Variants in CEP112 observed in about 807,000 individuals in gnomAD.
CEP112 encodes the protein centrosomal protein 112.
In CEP112, 127 loss-of-function variants were observed where a neutral mutation model predicts 153.0. The ratio of observed to expected loss-of-function variants is 0.83; its 90% confidence interval spans 0.72 to 0.96. The LOEUF is 0.96. CEP112 is among the 40% of genes least tolerant of loss of function. The pLI is 0.00. For synonymous variants in CEP112, 358 were observed against 374.4 expected, an observed-to-expected ratio of 0.96 and a Z score of 0.51; for missense variants, 1,089 against 1,101.2, an observed-to-expected ratio of 0.99 and a Z score of 0.16.
intron 16 of CEP112, among the ~76,000 whole-genome samples, chr17:66,009,795 G>T (rs1356590319): frequency 6.6e-6 from 1 of 152,058 alleles, no homozygotes; most frequent in Non-Finnish European, 1.5e-5. Flanking sequence ...TTATTTCTGG[G>T]TTCTCTATTC....
intron 12 of CEP112, among the ~76,000 whole-genome samples, chr17:66,033,224 G>A (rs1004850684): frequency 1.3e-5 from 2 of 152,012 alleles, no homozygotes; most frequent in African/African-American, 4.8e-5. Flanking sequence ...AACAGAAATG[G>A]TAGAACAAGA....
chr17:65,998,427 T>TA (rs2063879151), intron 17 of CEP112, among the ~76,000 whole-genome samples: 1 of 138,254 alleles, frequency 7.2e-6, no homozygotes, highest in East Asian at 2.0e-4. Context: ...AAAATTGAAC[T>TA]GTGGTGATGG....
intron 8 of CEP112, among the ~76,000 whole-genome samples, chr17:66,094,613 G>A (rs1244472557): frequency 3.9e-5 from 6 of 151,920 alleles, no homozygotes; most frequent in South Asian, 2.1e-4. Flanking sequence ...GATATGAACC[G>A]AAAAGCATAG....
intron 16 of CEP112, among the ~76,000 whole-genome samples, chr17:66,026,913 G>C (rs1016734445): frequency 1.3e-5 from 2 of 152,176 alleles, no homozygotes; most frequent in South Asian, 4.2e-4. Context: ...CCACAGATGT[G>C]AAATCCATGG....
At position 66,159,039 on chromosome 17, in the gene CEP112, A is replaced by G. The variant is rs554177102; in HGVS notation, c.470+16005T>C. Among the ~76,000 whole-genome samples the G allele has an allele frequency of 4.6e-5, 7 of 152,358 alleles. No individual in the cohort carries two copies. In the South Asian group the frequency reaches 8.3e-4, roughly 18 times the overall value. ...GGATATCACCACTGATCACACAGAA[A>G]TACAAACTATCATCAGAGAATACTA... On this transcript the variant is annotated intron_variant, in intron 4 of 26. Transcript: ENST00000535342.
rs562471203 is a variant in CEP112 at position 66,121,625 on chromosome 17, C to A, written c.642+8121G>T. ...CACTGAATCTTCTGCCAGTTCAAAT[C>A]TATTGCTGAGCCCCTATGGTGAATT... On this transcript the variant is annotated intron_variant, in intron 6 of 26. Transcript: ENST00000535342. Among the ~76,000 whole-genome samples, 4 of 152,144 alleles carry A rather than the reference C, an allele frequency of 2.6e-5. No homozygotes were observed. In the South Asian group the frequency reaches 8.3e-4, roughly 32 times the overall value.
chr17:65,858,674 C>T (rs1289213432), intron 20 of CEP112, among the ~76,000 whole-genome samples: 1 of 152,122 alleles, frequency 6.6e-6, no homozygotes, highest in Non-Finnish European at 1.5e-5. Flanking sequence ...ACTTCTTAAG[C>T]TGGTTGCCTA....
At position 66,132,769 on chromosome 17, in the gene CEP112, A is replaced by C; in HGVS notation, c.471-6T>G. On this transcript the variant is annotated splice_region_variant and splice_polypyrimidine_tract_variant and intron_variant, in intron 4 of 26. Coordinates refer to ENST00000535342, the MANE Select transcript of CEP112 (RefSeq NM_001199165.4). ...TCCCAGTGTACTGTTCCCTGCTAAG[A>C]GACCAAAATAATCGCAATCACAATT... 6.3e-7 allele frequency: 1 copy of C among 1,589,720 alleles called. No homozygotes were observed. Among genetic ancestry groups the C allele is most frequent in the African/African-American group, 1.3e-5 (1 of 74,598 alleles).
intron 19 of CEP112, among the ~76,000 whole-genome samples, chr17:65,909,207 G>T (rs1051922580): frequency 6.6e-6 from 1 of 152,188 alleles, no homozygotes; most frequent in Admixed American, 6.5e-5. Context: ...AAGGGGAAAT[G>T]ATGGTATAAA....
intron 4 of CEP112, among the ~76,000 whole-genome samples, chr17:66,149,094 G>T (rs1598439784): frequency 6.6e-6 from 1 of 152,096 alleles, no homozygotes; most frequent in African/African-American, 2.4e-5. Context: ...TTGTGTGAGG[G>T]TTTTCTCCTT....
At chr17:66,002,381 T>C (rs1273695031) in intron 17 of CEP112, among the ~76,000 whole-genome samples, 4 of 152,124 alleles carry the variant, frequency 2.6e-5, no homozygotes, top group Admixed American at 2.6e-4. Flanking sequence ...AATTCTATAA[T>C]CTGAGAGAAT....
chr17:65,963,578 T>C (rs2062293202), intron 17 of CEP112, among the ~76,000 whole-genome samples: 1 of 141,902 alleles, frequency 7.0e-6, no homozygotes, highest in East Asian at 2.5e-4. Context: ...AAGTGTCACC[T>C]AATTTCTACT....
At chr17:66,150,019 G>A (rs1422671503) in intron 4 of CEP112, among the ~76,000 whole-genome samples, 2 of 145,596 alleles carry the variant, frequency 1.4e-5, no homozygotes, top group Admixed American at 6.9e-5. Context: ...TCGGCCTCCC[G>A]AGTAGCTGGC....
chr17:66,005,889 A>G, intron 16 of CEP112, 120 bp from the exon 17 acceptor site: 1 of 849,804 alleles, frequency 1.2e-6, no homozygotes, highest in Non-Finnish European at 1.7e-6. Flanking sequence ...AGATTTAGAT[A>G]TTTCAAGATA....
chr17:66,047,802 TA>T (rs1428568356), intron 12 of CEP112, among the ~76,000 whole-genome samples: 1 of 152,216 alleles, frequency 6.6e-6, no homozygotes, highest in Non-Finnish European at 1.5e-5. Flanking sequence ...AAAGATGTCC[TA>T]AAGACCCCAG....
intron 17 of CEP112, among the ~76,000 whole-genome samples, chr17:65,971,846 A>C (rs1004040170): frequency 2.6e-5 from 4 of 152,244 alleles, no homozygotes; most frequent in African/African-American, 9.6e-5. Context: ...GTAAATTTAC[A>C]GTACTTAAAG....
intron 12 of CEP112, among the ~76,000 whole-genome samples, chr17:66,048,114 T>C (rs1381665886): frequency 2.0e-5 from 3 of 152,166 alleles, no homozygotes; most frequent in African/African-American, 7.2e-5. Flanking sequence ...TTTTTTTTAT[T>C]TTTTTGAATA....
chr17:65,951,902 T>C (rs1253671672), intron 18 of CEP112, among the ~76,000 whole-genome samples: 1 of 152,124 alleles, frequency 6.6e-6, no homozygotes, highest in Non-Finnish European at 1.5e-5. Context: ...CTGCATTCCA[T>C]AAATCTTGAT....
intron 4 of CEP112, among the ~76,000 whole-genome samples, chr17:66,159,723 T>A (rs1448405152): frequency 1.3e-5 from 2 of 152,192 alleles, no homozygotes; most frequent in African/African-American, 2.4e-5. Flanking sequence ...GAGCTATTTA[T>A]GATAAATACA....
Sources: gnomAD v4.1 joint callset for allele counts (sites outside exome capture counted in the v4.1 genomes callset) on GRCh38, gnomAD v4.1.1 for gene constraint, MANE v1.5 for transcripts, NCBI Gene and HGNC (gene_info 2026-07-23, HGNC 2026-07-21) for gene names.